KIRREL3: variants seen among roughly 807,000 people sequenced by gnomAD.
KIRREL3 encodes the protein kirre like nephrin family adhesion molecule 3, also known as kin of IRRE-like protein 3.
A neutral mutation model predicts 89.7 loss-of-function variants in KIRREL3; 36 were observed. The ratio of observed to expected loss-of-function variants is 0.40; its 90% CI spans 0.31 to 0.53. The LOEUF is 0.53. Among genes scored for constraint, KIRREL3 ranks in the 20% least tolerant of loss-of-function variants. KIRREL3 has a pLI of 0.49. For synonymous variants in KIRREL3, 445 were observed against 441.4 expected (o/e 1.01, Z -0.10); for missense variants, 864 against 1,056.6 (o/e 0.82, Z 2.53).
intron 1 of KIRREL3, among the ~76,000 whole-genome samples, chr11:126,925,187 C>A (rs1421524883): frequency 6.6e-6 from 1 of 151,952 alleles, no homozygotes; most frequent in Non-Finnish European, 1.5e-5. Flanking sequence ...CTCCACCTGC[C>A]ACACACCATT....
rs1035355366 is a variant in KIRREL3, at chr11:126,696,675, T to C, written c.56-133763A>G. Among the ~76,000 whole-genome samples, 19 of 152,224 alleles carry C rather than the reference T, an allele frequency of 1.2e-4. No homozygotes were observed. Among genetic ancestry groups the C allele is most frequent in the Non-Finnish European group, 2.6e-4 (18 of 68,020 alleles). On this transcript the variant is annotated intron_variant, in intron 1 of 16. Transcript: ENST00000525144. The surrounding 1 kb of genome is among the most constrained non-coding windows in gnomAD (Gnocchi z 4.4). ...GGTGGCTCAAACCACATCGCATGGC[T>C]CATAAGGCCCTTGGCGAGTTGACAT... is the stretch of plus-strand genomic sequence containing the variant.
intron 7 of KIRREL3, among the ~76,000 whole-genome samples, chr11:126,452,740 C>T (rs1382866974): frequency 4.6e-5 from 7 of 152,178 alleles, no homozygotes; most frequent in Non-Finnish European, 1.0e-4. Flanking sequence ...GAGCCAGAGA[C>T]GGAAGAGGAC....
chr11:126,491,514 C>T lies in KIRREL3; in HGVS notation c.434-18048G>A, dbSNP rs528076176. On this transcript the variant is annotated intron_variant, in intron 4 of 16. Coordinates refer to ENST00000525144, the MANE Select transcript of KIRREL3 (RefSeq NM_032531.4). This position sits in a 1 kb window ranked among gnomAD's most constrained non-coding sequence, Gnocchi z 5.5. ...CTGTTGGACTCCAGTGTTGTCTGTC[C>T]CCCGAGTCGAGGTCTGGGGCAGGTA... is the stretch of plus-strand genomic sequence containing the variant. Among the ~76,000 whole-genome samples the T allele has an allele frequency of 4.3e-4, 65 of 152,158 alleles. No individual in the cohort carries two copies. Among genetic ancestry groups the T allele is most frequent in the African/African-American group, 1.5e-3 (63 of 41,520 alleles).
chr11:126,603,393 G>A (rs146246850), intron 1 of KIRREL3, among the ~76,000 whole-genome samples: 46 of 152,312 alleles, frequency 3.0e-4, no homozygotes, highest in Admixed American at 2.1e-3. Context: ...AGCTGCCTGG[G>A]AGCCTCAGGA....
chr11:126,431,560 A>T lies in KIRREL3; in HGVS notation c.1589-34T>A. On this transcript the variant is annotated intron_variant, in intron 13 of 16. Coordinates refer to ENST00000525144, the MANE Select transcript of KIRREL3 (RefSeq NM_032531.4). The surrounding 1 kb of genome is among the most constrained non-coding windows in gnomAD (Gnocchi z 7.1). The stretch of plus-strand genomic sequence containing the variant: ...GAGAAGCGGGCACAGCTGATGACGG[A>T]TGGGGAATGGCCTACTATCCCCCCA... 1.3e-6 allele frequency: 2 copies of T among 1,587,578 alleles called. No individual in the cohort carries two copies. The highest frequency in any genetic ancestry group is 1.7e-6 in the Non-Finnish European group (2 of 1,159,932).
intron 13 of KIRREL3, among the ~76,000 whole-genome samples, chr11:126,433,382 A>T (rs762752034): frequency 3.9e-5 from 6 of 152,152 alleles, no homozygotes; most frequent in Non-Finnish European, 4.4e-5. Context: ...GGAGGTATCA[A>T]GGGGTGGGGG....
rs1950561520 is a variant in KIRREL3, at chr11:126,788,997, G to T, written c.55+211458C>A. 2.0e-5 allele frequency among the ~76,000 whole-genome samples: 3 copies of T among 152,178 alleles called. No individual in the cohort carries two copies. Among genetic ancestry groups the T allele is most frequent in the South Asian group, 4.2e-4 (2 of 4,810 alleles). On this transcript the variant is annotated intron_variant, in intron 1 of 16. Coordinates refer to ENST00000525144, the MANE Select transcript of KIRREL3 (RefSeq NM_032531.4). The surrounding 1 kb of genome is among the most constrained non-coding windows in gnomAD (Gnocchi z 4.1). Reference sequence around the variant, plus strand: ...ATTTCTTTGACCCAACGGTGGGCTGGGTTGTGCCCTTCCTTCCTGCTCCCA... The same window carrying T: ...ATTTCTTTGACCCAACGGTGGGCTGTGTTGTGCCCTTCCTTCCTGCTCCCA...
chr11:126,845,128 T>G (rs1944096526), intron 1 of KIRREL3, among the ~76,000 whole-genome samples: 1 of 152,202 alleles, frequency 6.6e-6, no homozygotes, highest in African/African-American at 2.4e-5. Flanking sequence ...AGTTTGATAT[T>G]GAGTACTAAG....
rs1036222435 is a variant in KIRREL3, at chr11:126,508,275, G to A, written c.433+13040C>T. ...GGGACTCAGCTATTTATTTTTGTGA[G>A]ATGGAGGCTTCTGGGTGCCTATGAA... On this transcript the variant is annotated intron_variant, in intron 4 of 16. Transcript: ENST00000525144. The surrounding 1 kb of genome is among the most constrained non-coding windows in gnomAD (Gnocchi z 4.9). 1.3e-5 allele frequency among the ~76,000 whole-genome samples: 2 copies of A among 152,190 alleles called. No homozygotes were observed. The highest frequency in any genetic ancestry group is 4.8e-5 in the African/African-American group (2 of 41,438).
intron 5 of KIRREL3, among the ~76,000 whole-genome samples, chr11:126,468,526 G>T (rs1956794891): frequency 6.6e-6 from 1 of 152,212 alleles, no homozygotes; most frequent in Non-Finnish European, 1.5e-5. Flanking sequence ...CTTCCTCCTG[G>T]GGAAGGGGCC....
In KIRREL3 at chr11:126,708,638, C is replaced by T. The variant is rs577886057; in HGVS notation, c.56-145726G>A. ...CGTCCAGGAGAGGCACCGGCGAACT[C>T]GAGAGCCAAGAGCGGCACTCCCACC... On this transcript the variant is annotated intron_variant, in intron 1 of 16. Coordinates refer to ENST00000525144, the MANE Select transcript of KIRREL3 (RefSeq NM_032531.4). The surrounding 1 kb of genome is among the most constrained non-coding windows in gnomAD (Gnocchi z 5.7). 1.1e-3 allele frequency among the ~76,000 whole-genome samples: 175 copies of T among 152,292 alleles called. No homozygotes were observed. Among genetic ancestry groups the T allele is most frequent in the Middle Eastern group, 6.8e-3 (2 of 294 alleles).
intron 1 of KIRREL3, among the ~76,000 whole-genome samples, chr11:126,599,090 C>A (rs1942528715): frequency 6.6e-6 from 1 of 152,212 alleles, no homozygotes; most frequent in Admixed American, 6.5e-5. Flanking sequence ...CCAGGCCTCA[C>A]CCCTCCTTGC....
intron 1 of KIRREL3, among the ~76,000 whole-genome samples, chr11:126,785,693 G>A (rs1950465870): frequency 6.6e-6 from 1 of 151,924 alleles, no homozygotes; most frequent in Non-Finnish European, 1.5e-5. Context: ...ATCCAACATG[G>A]TGAAACTCTG....
chr11:126,783,176 G>T lies in KIRREL3; in HGVS notation c.55+217279C>A, dbSNP rs1332763388. On this transcript the variant is annotated intron_variant, in intron 1 of 16. Coordinates refer to ENST00000525144, the MANE Select transcript of KIRREL3 (RefSeq NM_032531.4). The surrounding 1 kb of genome is among the most constrained non-coding windows in gnomAD (Gnocchi z 4.3). The stretch of plus-strand genomic sequence containing the variant: ...TGCTTCCCCTGAAACCTGGAGGAGA[G>T]AATCCTTCCTTGCATTGTCCTGTTT... Among the ~76,000 whole-genome samples the T allele has an allele frequency of 6.6e-6, 1 of 152,190 alleles. No individual in the cohort carries two copies. The highest frequency in any genetic ancestry group is 6.5e-5 in the Admixed American group (1 of 15,280).
Position 126,455,190 on chromosome 11 carries a change from G to A in KIRREL3, c.848+1159C>T, listed in dbSNP as rs1956296889. Among the ~76,000 whole-genome samples the A allele has an allele frequency of 6.6e-6, 1 of 152,164 alleles. No individual in the cohort carries two copies. The highest frequency in any genetic ancestry group is 2.4e-5 in the African/African-American group (1 of 41,432). On this transcript the variant is annotated intron_variant, in intron 7 of 16. Coordinates refer to ENST00000525144, the MANE Select transcript of KIRREL3 (RefSeq NM_032531.4). This position sits in a 1 kb window ranked among gnomAD's most constrained non-coding sequence, Gnocchi z 6.4. ...ACACCTGGGCTCCACCACTAAGCCT[G>A]GTCTGGTGGAAAGAGACCAGGCTGA...
chr11:126,874,454 C>G (rs1297520508), intron 1 of KIRREL3, among the ~76,000 whole-genome samples: 1 of 152,226 alleles, frequency 6.6e-6, no homozygotes, highest in African/African-American at 2.4e-5. Flanking sequence ...AAAATCAGCA[C>G]TGCCGGTGCC....
chr11:126,910,602 C>T (rs1436453602), intron 1 of KIRREL3, among the ~76,000 whole-genome samples: 1 of 152,136 alleles, frequency 6.6e-6, no homozygotes, highest in Non-Finnish European at 1.5e-5. Context: ...AAGAATCCCA[C>T]GAGGTAAATA....
chr11:126,827,752 G>A (rs1265468655), intron 1 of KIRREL3, among the ~76,000 whole-genome samples: 6 of 152,132 alleles, frequency 3.9e-5, no homozygotes, highest in East Asian at 3.9e-4. Flanking sequence ...TTGCACCTGA[G>A]TAAGTGAAAG....
rs1052204215 is a variant in KIRREL3, at chr11:126,676,823, C to T, written c.56-113911G>A. ...CTTTTGAGACAGAGTCTCCCTCTGC[C>T]ATCTGGACTGGTATACAGTGGCTCA... On this transcript the variant is annotated intron_variant, in intron 1 of 16. Coordinates refer to ENST00000525144, the MANE Select transcript of KIRREL3 (RefSeq NM_032531.4). This position sits in a 1 kb window ranked among gnomAD's most constrained non-coding sequence, Gnocchi z 4.5. 6.6e-6 allele frequency among the ~76,000 whole-genome samples: 1 copy of T among 151,994 alleles called. No homozygotes were observed. The highest frequency in any genetic ancestry group is 1.9e-4 in the East Asian group (1 of 5,176).
Sources: gnomAD v4.1 joint callset for allele counts (sites outside exome capture counted in the v4.1 genomes callset) on GRCh38, gnomAD v4.1.1 for gene constraint, Gnocchi (gnomAD v3.1) non-coding constraint, MANE v1.5 for transcripts, NCBI Gene and HGNC (gene_info 2026-07-23, HGNC 2026-07-21) for gene names.